Variants in BEND7 observed in about 807,000 individuals in gnomAD.
BEND7 encodes the protein BEN domain containing 7.
Under a neutral mutation model 50.9 loss-of-function variants are expected in BEND7, and 28 were observed. The observed-to-expected ratio is 0.55, with a 90% CI of 0.41 to 0.75. The LOEUF (loss-of-function observed/expected upper bound fraction) is 0.75, where lower values mean the gene tolerates loss of function less well. BEND7 is among the 30% of genes least tolerant of loss of function. The pLI is 0.00. For synonymous variants in BEND7, 170 were observed against 183.9 expected, an observed-to-expected ratio of 0.92 and a Z score of 0.61; for missense variants, 477 against 491.3, an observed-to-expected ratio of 0.97 and a Z score of 0.28.
chr10:13,452,771 C>T, intron 6 of BEND7, 113 bp from the exon 7 acceptor site: 1 of 949,748 alleles, frequency 1.1e-6, no homozygotes, highest in East Asian at 2.8e-5. Context: ...GAGGTCAGTT[C>T]TGCACGATAT....
intron 7 of BEND7, among the ~76,000 whole-genome samples, chr10:13,450,401 G>T (rs1361681765): frequency 6.6e-6 from 1 of 152,190 alleles, no homozygotes; most frequent in Non-Finnish European, 1.5e-5. Context: ...AGACCTCTCG[G>T]TTCCTATCGG....
Position 13,518,855 on chromosome 10 carries a change from T to C in BEND7, c.145+7283A>G, listed in dbSNP as rs753599339. ...CTAACGACAGTGTCCAATATATTCA[T>C]GCATTTAAATCACATATCTGAGGAC... On this transcript the variant is annotated intron_variant, in intron 2 of 8. Transcript: ENST00000466271. 1.3e-3 allele frequency among the ~76,000 whole-genome samples: 195 copies of C among 152,354 alleles called. 2 individuals are homozygous for C. Among genetic ancestry groups the C allele is most frequent in the Non-Finnish European group, 2.0e-3 (138 of 68,036 alleles).
intron 7 of BEND7, among the ~76,000 whole-genome samples, chr10:13,452,096 C>T (rs1200572921): frequency 6.6e-6 from 1 of 152,180 alleles, no homozygotes; most frequent in Non-Finnish European, 1.5e-5. Flanking sequence ...CACACCCATC[C>T]CCCACTTAAA....
chr10:13,498,804 C>A (rs906956917), intron 3 of BEND7, among the ~76,000 whole-genome samples: 3 of 152,128 alleles, frequency 2.0e-5, no homozygotes, highest in African/African-American at 7.2e-5. Context: ...AACTTTGATA[C>A]TGGCTTATGT....
intron 6 of BEND7, among the ~76,000 whole-genome samples, chr10:13,474,381 A>G (rs1038316295): frequency 6.6e-6 from 1 of 151,622 alleles, no homozygotes; most frequent in Non-Finnish European, 1.5e-5. Context: ...GATATTCCTC[A>G]TGACTGTTAG....
intron 7 of BEND7, among the ~76,000 whole-genome samples, chr10:13,448,142 G>A (rs1188304908): frequency 2.6e-5 from 4 of 152,180 alleles, no homozygotes; most frequent in Non-Finnish European, 4.4e-5. Context: ...ACCTTCGCTC[G>A]TGTCTGATAA....
intron 2 of BEND7, among the ~76,000 whole-genome samples, chr10:13,506,453 C>T (rs902964195): frequency 3.3e-5 from 5 of 152,122 alleles, no homozygotes; most frequent in African/African-American, 1.2e-4. Context: ...GTTTAAGATT[C>T]ATAGGAGATG....
At chr10:13,479,411 T>C (rs913126982) in intron 6 of BEND7, among the ~76,000 whole-genome samples, 2 of 152,200 alleles carry the variant, frequency 1.3e-5, no homozygotes, top group Non-Finnish European at 2.9e-5. Context: ...TTACTATCTA[T>C]TATTAGGATG....
intron 6 of BEND7, among the ~76,000 whole-genome samples, chr10:13,465,882 CTCGT>C (rs1444814310): frequency 1.1e-3 from 79 of 72,060 alleles, no homozygotes; most frequent in African/African-American, 5.2e-3. Flanking sequence ...CTCTCTCTCT[CTCGT>C]GTGTGTGTGT....
chr10:13,499,900 A>G lies in BEND7; in HGVS notation c.326T>C (p.Leu109Pro). The G allele has an allele frequency of 5.6e-6, 9 of 1,614,164 alleles. No individual in the cohort carries two copies. Among genetic ancestry groups the G allele is most frequent in the Non-Finnish European group, 7.6e-6 (9 of 1,180,020 alleles). ...LNSSAEAPQS[L>P]HPSSRGVWNE... ...CCACACACCACGTGAAGACGGGTGG[A>G]GGCTTTGCGGGGCCTCAGCAGAGGA... The change falls in exon 3 of 9, where the codon CTC becomes CCC. Residue 109 changes from leucine to proline, a missense_variant. Leu to Pro is a moderately conservative substitution (Grantham distance 98, BLOSUM62 -3). Transcript: ENST00000466271.
chr10:13,509,771 G>A (rs758159988), intron 2 of BEND7, among the ~76,000 whole-genome samples: 1 of 152,178 alleles, frequency 6.6e-6, no homozygotes, highest in Non-Finnish European at 1.5e-5. Context: ...AGCGAACTTA[G>A]CTGGAGTTAA....
chr10:13,510,801 GAC>G (rs891126058), intron 2 of BEND7, among the ~76,000 whole-genome samples: 3 of 151,814 alleles, frequency 2.0e-5, no homozygotes, highest in African/African-American at 4.8e-5. Context: ...CTTTTTCTGT[GAC>G]ACACACACAC....
intron 2 of BEND7, among the ~76,000 whole-genome samples, chr10:13,501,533 T>C (rs978905911): frequency 3.3e-5 from 5 of 152,074 alleles, no homozygotes; most frequent in Admixed American, 2.0e-4. Context: ...AATTTTTTTT[T>C]CTCAAACCCA....
rs74814908 is a variant in BEND7 at position 13,492,934 on chromosome 10, A to T, written c.572-58T>A. ...ACGTGTGTCTGACTTAGGAAAACTTATCTCCGGTCTATCCATGTGATCTAC... is the reference window on the plus strand; with the variant it reads ...ACGTGTGTCTGACTTAGGAAAACTTTTCTCCGGTCTATCCATGTGATCTAC... On this transcript the variant is annotated intron_variant, in intron 4 of 8. Transcript: ENST00000466271. The T allele has an allele frequency of 2.6e-5, 41 of 1,555,980 alleles. No homozygotes were observed. The East Asian group carries it at 7.0e-4, about 27-fold the overall frequency.
intron 3 of BEND7, 111 bp downstream of exon 3, chr10:13,499,667 G>T: frequency 8.0e-7 from 1 of 1,248,690 alleles, no homozygotes; most frequent in Non-Finnish European, 1.1e-6. Context: ...CTCAGCAAAG[G>T]CAGGTAATTA....
intron 2 of BEND7, among the ~76,000 whole-genome samples, chr10:13,512,661 T>C (rs1259184534): frequency 6.6e-6 from 1 of 152,200 alleles, no homozygotes; most frequent in Non-Finnish European, 1.5e-5. Flanking sequence ...ATCTACCTCA[T>C]GGATCAGTTA....
Position 13,526,182 on chromosome 10 carries a change from T to C in BEND7, c.101A>G (p.Asn34Ser), listed in dbSNP as rs114343447. The change falls in exon 2 of 9, where the codon AAC becomes AGC. Residue 34 changes from asparagine to serine, a missense_variant. Asn to Ser is a conservative substitution (Grantham distance 46). Around this residue, in one of 3 missense-constraint regions of BEND7, gnomAD observed 396 missense variants for 384.2 expected, o/e 1.03. Transcript: ENST00000466271. ...HEVYKIPEFS[N>S]DVNGEAKETQ... ...CTCTTTGGCCTCCCCATTAACATCG[T>C]TGCTGAATTCTGGGATCTTATACAC... 1,053 of 1,289,696 alleles carry C rather than the reference T, an allele frequency of 8.2e-4. 13 individuals are homozygous for C. In the African/African-American group the frequency reaches 0.015, roughly 18 times the overall value. 79.9% of individuals were successfully genotyped at this position (1,289,696 alleles called of 1,614,324 possible). A position where few individuals can be genotyped will look rare whatever the true frequency, so the allele number is the denominator to read the frequency against.
intron 2 of BEND7, among the ~76,000 whole-genome samples, chr10:13,517,540 G>A (rs2078776633): frequency 6.6e-6 from 1 of 152,058 alleles, no homozygotes; most frequent in Admixed American, 6.6e-5. Context: ...ATTGCTTGAG[G>A]CCAGCAGTTC....
At chr10:13,500,303 G>A (rs1182299629) in intron 2 of BEND7, among the ~76,000 whole-genome samples, 1 of 152,170 alleles carries the variant, frequency 6.6e-6, no homozygotes, top group African/African-American at 2.4e-5. Flanking sequence ...TCTGCAAGTC[G>A]CTTATGATGA....
Sources: gnomAD v4.1 joint callset for allele counts (sites outside exome capture counted in the v4.1 genomes callset) on GRCh38, gnomAD v4.1.1 for gene constraint, gnomAD v4.1.1 regional missense constraint, MANE v1.5 for transcripts, NCBI Gene and HGNC (gene_info 2026-07-23, HGNC 2026-07-21) for gene names.